The following ARHGAP6 variants were observed in gnomAD, a reference collection of about 807,000 sequenced individuals.
ARHGAP6 encodes the protein rho GTPase-activating protein 6.
ARHGAP6 carries 16 observed loss-of-function variants against 55.7 expected under a neutral mutation model. The ratio of observed to expected loss-of-function variants is 0.29; its 90% CI spans 0.19 to 0.44. The LOEUF is 0.44. Among genes scored for constraint, ARHGAP6 ranks in the 20% least tolerant of loss-of-function variants. ARHGAP6 has a pLI of 1.00. For missense variants in ARHGAP6, 698 were observed against 808.9 expected (o/e 0.86, Z 1.66); for synonymous variants, 382 against 360.9 (o/e 1.06, Z -0.66).
intron 8 of ARHGAP6, among the ~76,000 whole-genome samples, chrX:11,173,507 G>C (rs887911154): frequency 1.8e-5 from 2 of 112,136 alleles, no homozygotes; most frequent in African/African-American, 6.5e-5. Flanking sequence ...TTTCAATTTT[G>C]TTCCTGCTAT....
intron 3 of ARHGAP6, among the ~76,000 whole-genome samples, chrX:11,196,582 C>T (rs892592402): frequency 9.0e-6 from 1 of 111,633 alleles, no homozygotes. Flanking sequence ...ACTAACCCTG[C>T]CTGTCTGGAT....
At chrX:11,140,868 C>T (rs2045611580) in intron 12 of ARHGAP6, among the ~76,000 whole-genome samples, 1 of 112,196 alleles carries the variant, frequency 8.9e-6, no homozygotes, top group Admixed American at 9.5e-5. Context: ...TACCATTTTC[C>T]TATGAATCTG....
chrX:11,410,524 T>C (rs955781808), intron 1 of ARHGAP6, among the ~76,000 whole-genome samples: 1 of 112,296 alleles, frequency 8.9e-6, no homozygotes, highest in Admixed American at 9.4e-5. Flanking sequence ...GAGTTTCTTT[T>C]GGGGAAACAA....
intron 2 of ARHGAP6, among the ~76,000 whole-genome samples, chrX:11,198,485 C>T (rs1246718470): frequency 8.9e-6 from 1 of 111,855 alleles, no homozygotes; most frequent in Non-Finnish European, 1.9e-5. Flanking sequence ...TCCAATTAGG[C>T]CTTACAGGTC....
rs373385730 is a variant in ARHGAP6 at position 11,627,827 on chromosome X, A to C, written c.588+36414T>G. On this transcript the variant is annotated intron_variant, in intron 1 of 12. Coordinates refer to ENST00000337414, the MANE Select transcript of ARHGAP6 (RefSeq NM_013427.3). ...CGTAATAAGTAGTAATTTCTCATTA[A>C]GTGATGATTGCTATGGTAGACATCA... is the stretch of plus-strand genomic sequence containing the variant. 2.5e-4 allele frequency among the ~76,000 whole-genome samples: 28 copies of C among 112,236 alleles called. No individual in the cohort carries two copies. In the East Asian group the frequency reaches 6.7e-3, roughly 27 times the overall value.
At chrX:11,417,438 C>T (rs1206609262) in intron 1 of ARHGAP6, among the ~76,000 whole-genome samples, 1 of 108,906 alleles carries the variant, frequency 9.2e-6, no homozygotes, top group African/African-American at 3.4e-5. Context: ...CCAGTCTGTA[C>T]AGGTAATAAA....
chrX:11,274,942 A>G (rs1393097484), intron 1 of ARHGAP6, among the ~76,000 whole-genome samples: 1 of 111,808 alleles, frequency 8.9e-6, no homozygotes, highest in Non-Finnish European at 1.9e-5. Context: ...CATAATGAGA[A>G]AAAGCTCAGG....
rs751080433 is a variant in ARHGAP6, at chrX:11,254,716, CAAAAA to C, written c.589-14_589-10del. ...TTCCAGGTGAAATCACCCTGTAGGCCAAAAAAAAAAAAAAAAAAAAAATCAAGAGT... is the reference window on the plus strand; with the variant it reads ...TTCCAGGTGAAATCACCCTGTAGGCCAAAAAAAAAAAAAAAAATCAAGAGT... On this transcript the variant is annotated splice_polypyrimidine_tract_variant and intron_variant, in intron 1 of 12. Transcript: ENST00000337414. The C allele has an allele frequency of 1.3e-3, 1,109 of 858,010 alleles. No homozygotes were observed. The highest frequency in any genetic ancestry group is 5.0e-3 in the Admixed American group (67 of 13,364). The allele number at this position is 858,010 out of a possible 1,213,427, so 70.7% of individuals were successfully genotyped here. A position where few individuals can be genotyped will look rare whatever the true frequency, so the allele number is the denominator to read the frequency against.
chrX:11,335,666 T>C lies in ARHGAP6; in HGVS notation c.589-80959A>G, dbSNP rs755341181. Reference sequence around the variant, plus strand: ...TTCCAAGTCTTTGCTGTTGTCTAAATTTTTTATGGTAATCTAACTGGGTCT... The same window carrying C: ...TTCCAAGTCTTTGCTGTTGTCTAAACTTTTTATGGTAATCTAACTGGGTCT... On this transcript the variant is annotated intron_variant, in intron 1 of 12. Coordinates refer to ENST00000337414, the MANE Select transcript of ARHGAP6 (RefSeq NM_013427.3). 128 of 295,076 alleles carry C rather than the reference T, an allele frequency of 4.3e-4. No homozygotes were observed. In the South Asian group the frequency reaches 4.5e-3, roughly 10 times the overall value. The allele number at this position is 295,076 out of a possible 1,213,427, so 24.3% of individuals were successfully genotyped here. A position where few individuals can be genotyped will look rare whatever the true frequency, so the allele number is the denominator to read the frequency against.
intron 1 of ARHGAP6, among the ~76,000 whole-genome samples, chrX:11,591,563 A>T (rs1328608653): frequency 9.0e-6 from 1 of 111,440 alleles, no homozygotes; most frequent in Non-Finnish European, 1.9e-5. Flanking sequence ...ACTGATACAT[A>T]CTACAACACG....
At position 11,633,111 on chromosome X, in the gene ARHGAP6, T is replaced by C. The variant is rs1181653151; in HGVS notation, c.588+31130A>G. Among the ~76,000 whole-genome samples, 27 of 112,318 alleles carry C rather than the reference T, an allele frequency of 2.4e-4. No homozygotes were observed. The Admixed American group carries it at 2.5e-3, about 11-fold the overall frequency. On this transcript the variant is annotated intron_variant, in intron 1 of 12. Coordinates refer to ENST00000337414, the MANE Select transcript of ARHGAP6 (RefSeq NM_013427.3). ...CTTCTTCCCCTTCCTACTCCACTAC[T>C]GTTCTGGCTTCTTTCTAAAGCTCTT...
At chrX:11,417,926 A>G (rs2049774760) in intron 1 of ARHGAP6, among the ~76,000 whole-genome samples, 1 of 110,466 alleles carries the variant, frequency 9.1e-6, no homozygotes, top group South Asian at 3.7e-4. Flanking sequence ...ATTAAGTGAG[A>G]TAATATATGT....
At chrX:11,524,765 T>C (rs2050971829) in intron 1 of ARHGAP6, among the ~76,000 whole-genome samples, 1 of 111,208 alleles carries the variant, frequency 9.0e-6, no homozygotes, top group African/African-American at 3.3e-5. Context: ...AATGTGCACC[T>C]TATTTCTATT....
intron 1 of ARHGAP6, among the ~76,000 whole-genome samples, chrX:11,587,867 A>G (rs970653481): frequency 8.9e-6 from 1 of 112,409 alleles, no homozygotes; most frequent in Non-Finnish European, 1.9e-5. Context: ...TCACCTTCAC[A>G]TAAAGAAAGC....
At chrX:11,523,613 C>T (rs968658823) in intron 1 of ARHGAP6, among the ~76,000 whole-genome samples, 3 of 111,585 alleles carry the variant, frequency 2.7e-5, no homozygotes, top group Non-Finnish European at 3.8e-5. Flanking sequence ...GAAAAAAATT[C>T]GAGGCCATTG....
intron 1 of ARHGAP6, among the ~76,000 whole-genome samples, chrX:11,373,724 G>A (rs1265096940): frequency 8.9e-6 from 1 of 111,898 alleles, no homozygotes; most frequent in Non-Finnish European, 1.9e-5. Flanking sequence ...CCTAGGCAGG[G>A]TGGGCATAGG....
chrX:11,287,505 T>C (rs1464910013), intron 1 of ARHGAP6, among the ~76,000 whole-genome samples: 1 of 112,002 alleles, frequency 8.9e-6, no homozygotes, highest in African/African-American at 3.2e-5. Context: ...AACTTTCTTG[T>C]AGAAACCCTA....
intron 1 of ARHGAP6, among the ~76,000 whole-genome samples, chrX:11,273,127 C>CT (rs758764234): frequency 2.6e-4 from 28 of 108,631 alleles, no homozygotes; most frequent in African/African-American, 7.7e-4. Context: ...AAACCTCACC[C>CT]TTTTTTTTTG....
rs202126267 is a variant in ARHGAP6, at chrX:11,156,606, G to C, written c.1830C>G (p.Asn610Lys). ...TCTCTAACAGGCTGATCAGCACTTCGTTCTGGAGATCTGGGGGAACCTGAA... is the reference window on the plus strand; with the variant it reads ...TCTCTAACAGGCTGATCAGCACTTCCTTCTGGAGATCTGGGGGAACCTGAA... Reference protein sequence around the residue: ...ALFMVPPDLQNEVLISLLETD... With the variant: ...ALFMVPPDLQKEVLISLLETD... Residue 610 changes from asparagine (N) to lysine (K), a missense_variant, in exon 10 of 13, where the codon AAC becomes AAG. Physicochemically the swap from Asn to Lys is moderately conservative, Grantham distance 94 (BLOSUM62 0). This residue lies in a region of ARHGAP6 where 322 missense variants were observed against 451.1 expected (regional missense o/e 0.71). Coordinates refer to ENST00000337414, the MANE Select transcript of ARHGAP6 (RefSeq NM_013427.3). 3.0e-5 allele frequency: 36 copies of C among 1,208,910 alleles called. No homozygotes were observed. The highest frequency in any genetic ancestry group is 3.8e-5 in the Non-Finnish European group (34 of 894,384).
Sources: allele counts gnomAD v4.1 joint callset (sites outside exome capture counted in the v4.1 genomes callset), GRCh38; gene constraint gnomAD v4.1.1; regional missense constraint gnomAD v4.1.1; transcripts MANE v1.5; gene names NCBI Gene and HGNC (gene_info 2026-07-23, HGNC 2026-07-21).